The following LYN variants were observed in gnomAD, a reference collection of about 807,000 sequenced individuals.
LYN encodes LYN proto-oncogene, Src family tyrosine kinase.
LYN carries 12 observed loss-of-function variants against 65.0 expected under a neutral mutation model. The observed-to-expected ratio is 0.18, with a 90% CI of 0.12 to 0.30. The LOEUF (loss-of-function observed/expected upper bound fraction) is 0.30, where lower values mean the gene tolerates loss of function less well. LYN is among the 10% of genes least tolerant of loss of function. The pLI, the probability that LYN is intolerant of heterozygous loss-of-function variation, is 1.00. For synonymous variants in LYN, 222 were observed against 221.2 expected (o/e 1.00, Z -0.03); for missense variants, 380 against 623.2 (o/e 0.61, Z 4.16).
Position 55,920,797 on chromosome 8 carries a change from G to A in LYN, c.-5-21058G>A, listed in dbSNP as rs905408556. On this transcript the variant is annotated intron_variant, in intron 1 of 12. Transcript: ENST00000519728. ...TGCCCTTCCCCACCACCCCCCCACC[G>A]GGTTCCAGCAATTCTCCTGCCTCAG... Among the ~76,000 whole-genome samples the A allele has an allele frequency of 1.6e-4, 3 of 18,926 alleles. No homozygotes were observed. The East Asian group carries it at 4.8e-3, about 31-fold the overall frequency. The allele number at this position is 18,926 out of a possible 152,430, so 12.4% of individuals were successfully genotyped here.
At chr8:55,939,533 G>C (rs943611785) in intron 1 of LYN, among the ~76,000 whole-genome samples, 15 of 130,070 alleles carry the variant, frequency 1.2e-4, no homozygotes, top group East Asian at 8.5e-4. Flanking sequence ...GGAACGCAGT[G>C]GGGGGGGGAC....
chr8:55,890,352 A>T (rs1447388001), intron 1 of LYN, among the ~76,000 whole-genome samples: 1 of 152,102 alleles, frequency 6.6e-6, no homozygotes, highest in African/African-American at 2.4e-5. Flanking sequence ...GTTGCTTAGG[A>T]TGGCTACTAT....
At chr8:55,904,525 A>T (rs1443008182) in intron 1 of LYN, among the ~76,000 whole-genome samples, 1 of 152,120 alleles carries the variant, frequency 6.6e-6, no homozygotes, top group Admixed American at 6.5e-5. Flanking sequence ...TTAATAGGGC[A>T]TGGAATTATG....
chr8:55,893,859 C>T (rs1416499311), intron 1 of LYN: 1 of 152,020 alleles, frequency 6.6e-6, no homozygotes, highest in African/African-American at 2.4e-5. Context: ...TGGCCATTCA[C>T]AGGCACGATT....
intron 6 of LYN, 67 bp from the exon 7 acceptor site, chr8:55,951,899 C>A: frequency 8.1e-7 from 1 of 1,237,954 alleles, no homozygotes; most frequent in Non-Finnish European, 1.1e-6. Flanking sequence ...ATGTGTACTG[C>A]AGTTGTTGTA....
intron 10 of LYN, among the ~76,000 whole-genome samples, chr8:55,984,719 T>C (rs747799387): frequency 7.2e-5 from 11 of 152,246 alleles, no homozygotes; most frequent in Admixed American, 6.5e-4. Flanking sequence ...AGCAATGCTT[T>C]GAGGCATAAA....
chr8:55,966,900 G>A lies in LYN; in HGVS notation c.973+3G>A. The A allele has an allele frequency of 6.2e-7, 1 of 1,612,240 alleles. No individual in the cohort carries two copies. The highest frequency in any genetic ancestry group is 8.5e-7 in the Non-Finnish European group (1 of 1,179,066). Reference sequence around the variant, plus strand: ...CATCACCGAGTACATGGCCAAGGGTGAGTTCCTCCCACTGCCCAGAGCTTG... The same window carrying A: ...CATCACCGAGTACATGGCCAAGGGTAAGTTCCTCCCACTGCCCAGAGCTTG... On this transcript the variant is annotated splice_donor_region_variant and intron_variant, in intron 9 of 12. Coordinates refer to ENST00000519728, the MANE Select transcript of LYN (RefSeq NM_002350.4).
At chr8:55,931,156 A>T (rs1806259053) in intron 1 of LYN, among the ~76,000 whole-genome samples, 1 of 147,094 alleles carries the variant, frequency 6.8e-6, no homozygotes, top group Non-Finnish European at 1.5e-5. Context: ...TTATATTTTT[A>T]AATAAAATAT....
At position 55,911,130 on chromosome 8, in the gene LYN, C is replaced by CATACATATATATACGTGTATATAT. The variant is rs1805598938; in HGVS notation, c.-5-30722_-5-30699dup. Among the ~76,000 whole-genome samples the CATACATATATATACGTGTATATAT allele has an allele frequency of 3.8e-4, 2 of 5,228 alleles. 1 individual carries two copies. The highest frequency in any genetic ancestry group is 0.016 in the South Asian group (2 of 122). The allele number at this position is 5,228 out of a possible 152,430, so 3.4% of individuals were successfully genotyped here. A position where few individuals can be genotyped will look rare whatever the true frequency, so the allele number is the denominator to read the frequency against. On this transcript the variant is annotated intron_variant, in intron 1 of 12. Transcript: ENST00000519728. ...ACGTATATATACGTATATATATACACATACATATATATACGTGTATATATA... is the reference window on the plus strand; with the variant it reads ...ACGTATATATACGTATATATATACACATACATATATATACGTGTATATATATACATATATATACGTGTATATATA...
At chr8:55,966,149 C>G (rs1807450646) in intron 8 of LYN, among the ~76,000 whole-genome samples, 1 of 151,998 alleles carries the variant, frequency 6.6e-6, no homozygotes, top group Admixed American at 6.6e-5. Context: ...AATATTAGCC[C>G]TCATGGTAGA....
chr8:55,983,331 C>T (rs1202056824), intron 10 of LYN, among the ~76,000 whole-genome samples: 1 of 152,210 alleles, frequency 6.6e-6, no homozygotes, highest in Non-Finnish European at 1.5e-5. Context: ...TGCATCAGGT[C>T]TTGTGCTCTC....
intron 10 of LYN, among the ~76,000 whole-genome samples, chr8:55,981,544 T>G (rs1807924390): frequency 6.6e-6 from 1 of 152,166 alleles, no homozygotes; most frequent in Non-Finnish European, 1.5e-5. Context: ...AATATAGAGA[T>G]AGGGTCTCAC....
At chr8:56,003,070 T>G (rs1808563727) in intron 12 of LYN, among the ~76,000 whole-genome samples, 1 of 151,634 alleles carries the variant, frequency 6.6e-6, no homozygotes, top group South Asian at 2.1e-4. Context: ...TTGTTTTTTT[T>G]TTTTTTTGAG....
chr8:55,997,774 T>G (rs1563328690), intron 10 of LYN, among the ~76,000 whole-genome samples: 1 of 152,190 alleles, frequency 6.6e-6, no homozygotes. Context: ...TTGAAAAGAT[T>G]CTTCACACAT....
At chr8:55,892,668 A>G (rs1425713072) in intron 1 of LYN, among the ~76,000 whole-genome samples, 2 of 152,110 alleles carry the variant, frequency 1.3e-5, no homozygotes, top group Non-Finnish European at 2.9e-5. Flanking sequence ...TCGAGATCCC[A>G]AAGTCCTGGG....
At chr8:55,880,265 T>C (rs182833) in intron 1 of LYN, among the ~76,000 whole-genome samples, 162 bp downstream of exon 1, 126,867 of 151,926 alleles carry the variant, frequency 0.84, 53,163 homozygotes, top group African/African-American at 0.91. Context: ...GCCTCTGGGC[T>C]CCGGCGGCGA....
At chr8:55,944,355 A>T (rs1191674321) in intron 2 of LYN, among the ~76,000 whole-genome samples, 1 of 152,140 alleles carries the variant, frequency 6.6e-6, no homozygotes, top group African/African-American at 2.4e-5. Context: ...AATAAGAGAA[A>T]TTAGAGTCAC....
intron 9 of LYN, among the ~76,000 whole-genome samples, chr8:55,968,160 T>C (rs1302943279): frequency 6.6e-6 from 1 of 152,204 alleles, no homozygotes; most frequent in Admixed American, 6.5e-5. Flanking sequence ...AGACACCTTA[T>C]AGGAGTTCAG....
At chr8:55,904,009 A>AT (rs1213066650) in intron 1 of LYN, among the ~76,000 whole-genome samples, 235 of 151,722 alleles carry the variant, frequency 1.5e-3, no homozygotes, top group African/African-American at 5.5e-3. Flanking sequence ...AGAGTCTCAA[A>AT]AAAAAAGTGT....
Sources: gnomAD v4.1 joint callset for allele counts (sites outside exome capture counted in the v4.1 genomes callset) on GRCh38, gnomAD v4.1.1 for gene constraint, MANE v1.5 for transcripts, NCBI Gene and HGNC (gene_info 2026-07-23, HGNC 2026-07-21) for gene names.